Variants in UNC13B observed in about 807,000 individuals in gnomAD.
UNC13B encodes unc-13 homolog B.
UNC13B carries 144 observed loss-of-function variants against 211.0 expected under a neutral mutation model. The ratio of observed to expected loss-of-function variants is 0.68; its 90% CI spans 0.60 to 0.78. UNC13B has a LOEUF of 0.78. Ranked by LOEUF, UNC13B falls within the 30% of genes least tolerant of loss-of-function variation. The pLI is 0.00. For synonymous variants in UNC13B, 709 were observed against 725.8 expected, an observed-to-expected ratio of 0.98 and a Z score of 0.37; for missense variants, 1,777 against 2,002.0, an observed-to-expected ratio of 0.89 and a Z score of 2.14.
rs1564176563 is a variant in UNC13B at position 35,375,218 on chromosome 9, C to T, written c.9615+17C>T. The T allele has an allele frequency of 9.3e-6, 15 of 1,613,664 alleles. No homozygotes were observed. In the South Asian group the frequency reaches 1.2e-4, roughly 13 times the overall value. ...GAAGAGCTGGTAAGTGTCCCAAGTG[C>T]TTTCGTAAGTCCACTGGCCTCAGGA... On this transcript the variant is annotated intron_variant, in intron 14 of 39. Transcript: ENST00000635942.
At chr9:35,225,631 G>T (rs902943784) in intron 1 of UNC13B, among the ~76,000 whole-genome samples, 3 of 151,886 alleles carry the variant, frequency 2.0e-5, no homozygotes, top group African/African-American at 7.3e-5. Flanking sequence ...TGTAGTCTCC[G>T]TATGATTTCT....
In UNC13B at chr9:35,310,639, G is replaced by A. The variant is rs769102693; in HGVS notation, c.9181G>A (p.Glu3061Lys). ...LSRDGQAGFG[E>K]QEKPLEVTGQ... is the part of the protein sequence containing the mutation. ...CAGAGATGGCCAAGCAGGTTTTGGA[G>A]AACAAGAGAAACCCTTGGAGGTGAC... Residue 3061 changes from glutamate to lysine, a missense_variant, in exon 10 of 40, where the codon GAA becomes AAA. Transcript: ENST00000635942. 1.2e-6 allele frequency: 2 copies of A among 1,613,840 alleles called. No homozygotes were observed. Among genetic ancestry groups the A allele is most frequent in the East Asian group, 4.5e-5 (2 of 44,868 alleles).
At chr9:35,332,753 G>T (rs1831444694) in intron 11 of UNC13B, among the ~76,000 whole-genome samples, 2 of 152,246 alleles carry the variant, frequency 1.3e-5, no homozygotes, top group South Asian at 4.2e-4. Context: ...ATTCTTTGAA[G>T]CCTTTCCCAA....
chr9:35,175,435 A>T (rs1821570377), intron 1 of UNC13B, among the ~76,000 whole-genome samples: 2 of 152,176 alleles, frequency 1.3e-5, no homozygotes, highest in South Asian at 2.1e-4. Flanking sequence ...GAGTTGATAG[A>T]TGTGGTCAGA....
chr9:35,328,962 G>C (rs904560136), intron 11 of UNC13B, among the ~76,000 whole-genome samples: 1 of 151,730 alleles, frequency 6.6e-6, no homozygotes, highest in Admixed American at 6.6e-5. Context: ...TAGTAGAGAT[G>C]GGGTTTCACT....
chr9:35,364,589 G>A (rs1407872519), intron 11 of UNC13B: 1 of 1,535,600 alleles, frequency 6.5e-7, no homozygotes, highest in Admixed American at 2.0e-5. Flanking sequence ...GACCCTTTGG[G>A]TCGTCCTTTT....
intron 1 of UNC13B, among the ~76,000 whole-genome samples, chr9:35,163,176 T>C (rs1820867864): frequency 6.6e-6 from 1 of 152,236 alleles, no homozygotes; most frequent in Non-Finnish European, 1.5e-5. Flanking sequence ...GCCATTGAAT[T>C]TGATCTCGGG....
At chr9:35,328,553 G>A (rs1831149398) in intron 11 of UNC13B, among the ~76,000 whole-genome samples, 1 of 151,754 alleles carries the variant, frequency 6.6e-6, no homozygotes, top group Non-Finnish European at 1.5e-5. Context: ...TCCCTACAAA[G>A]GAAAGGAAAA....
intron 11 of UNC13B, chr9:35,353,640 C>T: frequency 8.1e-7 from 1 of 1,232,066 alleles, no homozygotes; most frequent in Non-Finnish European, 1.0e-6. Flanking sequence ...CCTGGATCTC[C>T]CAAGCAGGGC....
At chr9:35,350,669 C>T (rs1409003713) in intron 11 of UNC13B, among the ~76,000 whole-genome samples, 1 of 152,192 alleles carries the variant, frequency 6.6e-6, no homozygotes, top group East Asian at 1.9e-4. Context: ...ACAGTGTGTG[C>T]GTACTGTGCC....
chr9:35,181,507 C>A (rs1418786816), intron 1 of UNC13B, among the ~76,000 whole-genome samples: 6 of 152,226 alleles, frequency 3.9e-5, no homozygotes. Flanking sequence ...TAGGCATGAG[C>A]CACCATTCCT....
chr9:35,346,669 C>A (rs1283812637), intron 11 of UNC13B, among the ~76,000 whole-genome samples: 1 of 152,084 alleles, frequency 6.6e-6, no homozygotes, highest in African/African-American at 2.4e-5. Context: ...GAAAAGAGCA[C>A]AGAAAGGTAT....
At chr9:35,285,887 A>G (rs1000050046) in intron 7 of UNC13B, among the ~76,000 whole-genome samples, 1 of 152,208 alleles carries the variant, frequency 6.6e-6, no homozygotes, top group Non-Finnish European at 1.5e-5. Context: ...GACATGGGAA[A>G]TAAAGAGGAA....
intron 2 of UNC13B, among the ~76,000 whole-genome samples, chr9:35,228,256 G>A (rs1239825635): frequency 6.6e-6 from 1 of 151,866 alleles, no homozygotes; most frequent in African/African-American, 2.4e-5. Context: ...TATATTTAGA[G>A]GTTTTGATAT....
At chr9:35,285,836 A>C (rs536977145) in intron 7 of UNC13B, among the ~76,000 whole-genome samples, 2 of 152,340 alleles carry the variant, frequency 1.3e-5, no homozygotes, top group African/African-American at 4.8e-5. Flanking sequence ...AAAAGGAAGG[A>C]GATTTCAGCA....
At chr9:35,319,410 A>C (rs1830626318) in intron 11 of UNC13B, among the ~76,000 whole-genome samples, 2 of 69,432 alleles carry the variant, frequency 2.9e-5, no homozygotes, top group East Asian at 2.6e-4. Flanking sequence ...CTCAAAAAAA[A>C]AAAAAAAAAA....
chr9:35,199,993 C>A (rs1391576212), intron 1 of UNC13B, among the ~76,000 whole-genome samples: 6 of 152,152 alleles, frequency 3.9e-5, no homozygotes, highest in African/African-American at 7.2e-5. Flanking sequence ...GTAAGTCTTT[C>A]ATCCATCTCG....
intron 3 of UNC13B, among the ~76,000 whole-genome samples, chr9:35,233,204 A>G (rs2131513828): frequency 6.6e-6 from 1 of 152,234 alleles, no homozygotes; most frequent in Non-Finnish European, 1.5e-5. Context: ...TGGTTTATAA[A>G]CCTAGCACTT....
At chr9:35,359,500 G>T (rs1206763276) in intron 11 of UNC13B, among the ~76,000 whole-genome samples, 2 of 152,108 alleles carry the variant, frequency 1.3e-5, no homozygotes, top group African/African-American at 4.8e-5. Flanking sequence ...CCTCCTTATG[G>T]ATGTAAATAG....
Sources: allele counts gnomAD v4.1 joint callset (sites outside exome capture counted in the v4.1 genomes callset), GRCh38; gene constraint gnomAD v4.1.1; transcripts MANE v1.5; gene names NCBI Gene and HGNC (gene_info 2026-07-23, HGNC 2026-07-21).